RANBP17: variants seen among roughly 807,000 people sequenced by gnomAD.
RANBP17 encodes RAN binding protein 17.
Under a neutral mutation model 141.2 loss-of-function variants are expected in RANBP17, and 158 were observed. That is an observed-to-expected ratio of 1.12 (90% CI 0.98 to 1.28). The LOEUF is 1.28. Ranked by LOEUF, RANBP17 falls within the 50% of genes most tolerant of loss-of-function variation. RANBP17 has a pLI of 0.00. For synonymous variants in RANBP17, 430 were observed against 450.0 expected, an observed-to-expected ratio of 0.96 and a Z score of 0.56; for missense variants, 1,438 against 1,290.7, an observed-to-expected ratio of 1.11 and a Z score of -1.75.
chr5:171,110,217 T>C (rs1445004350), intron 14 of RANBP17, among the ~76,000 whole-genome samples: 2 of 152,052 alleles, frequency 1.3e-5, no homozygotes, highest in Non-Finnish European at 1.5e-5. Context: ...CAAATATTTA[T>C]ACTCTTAGGC....
intron 9 of RANBP17, among the ~76,000 whole-genome samples, chr5:170,916,890 A>G (rs956096074): frequency 6.6e-6 from 1 of 151,528 alleles, no homozygotes; most frequent in African/African-American, 2.4e-5. Context: ...TAATTTTTGT[A>G]TTTTTAGTGG....
Position 171,189,073 on chromosome 5 carries a change from T to A in RANBP17, c.2038+5643T>A, listed in dbSNP as rs1581824244. ...ACATTTTTAGTTCAAAGTTTTTTTT[T>A]AAATGTAAATATCTGTTGCATTACA... On this transcript the variant is annotated intron_variant, in intron 18 of 27. Transcript: ENST00000523189. Among the ~76,000 whole-genome samples, 5 of 152,302 alleles carry A rather than the reference T, an allele frequency of 3.3e-5. No homozygotes were observed. The South Asian group carries it at 8.3e-4, about 25-fold the overall frequency.
chr5:170,863,429 A>G (rs1248935578), intron 1 of RANBP17: 1 of 92,238 alleles, frequency 1.1e-5, no homozygotes, highest in African/African-American at 3.1e-5. Context: ...TGATTCTTCT[A>G]AAGGGTCTTT....
At chr5:170,886,667 T>C (rs1285769809) in intron 3 of RANBP17, among the ~76,000 whole-genome samples, 1 of 145,662 alleles carries the variant, frequency 6.9e-6, no homozygotes, top group Non-Finnish European at 1.5e-5. Context: ...TTTTTTTTTT[T>C]TTTTTTTGAG....
intron 14 of RANBP17, chr5:170,983,025 G>A (rs922023576): frequency 2.1e-6 from 1 of 471,178 alleles, no homozygotes; most frequent in African/African-American, 2.0e-5. Flanking sequence ...TTTTCACTCA[G>A]ACAAAGCCTC....
intron 14 of RANBP17, among the ~76,000 whole-genome samples, chr5:171,153,902 C>G (rs1042938838): frequency 3.9e-5 from 6 of 151,960 alleles, no homozygotes; most frequent in Non-Finnish European, 7.4e-5. Flanking sequence ...TGGCACATAC[C>G]TGTAATCCCA....
intron 14 of RANBP17, among the ~76,000 whole-genome samples, chr5:171,127,912 G>A (rs1425101552): frequency 6.6e-6 from 1 of 152,194 alleles, no homozygotes; most frequent in African/African-American, 2.4e-5. Context: ...TGTAATCCCA[G>A]CACTTTGGGA....
intron 14 of RANBP17, among the ~76,000 whole-genome samples, chr5:171,062,477 G>A (rs1020391362): frequency 6.6e-6 from 1 of 152,184 alleles, no homozygotes. Flanking sequence ...TAATATGGTT[G>A]AATATTGGCC....
intron 2 of RANBP17, among the ~76,000 whole-genome samples, chr5:170,878,772 T>C (rs10043338): frequency 0.67 from 102,454 of 151,922 alleles, 34,783 homozygotes; most frequent in South Asian, 0.9. Context: ...GTTGGAGAGG[T>C]AGATACCTAA....
chr5:171,041,697 C>G (rs1782258603), intron 14 of RANBP17, among the ~76,000 whole-genome samples: 1 of 152,062 alleles, frequency 6.6e-6, no homozygotes, highest in South Asian at 2.1e-4. Flanking sequence ...ACTTATGTAT[C>G]TAATCATAGA....
At chr5:171,294,034 G>A in intron 26 of RANBP17, 53 bp downstream of exon 26, 1 of 1,297,544 alleles carries the variant, frequency 7.7e-7, no homozygotes, top group Non-Finnish European at 1.1e-6. Flanking sequence ...GAAGAGAGCA[G>A]CTATAAGCTA....
intron 13 of RANBP17, among the ~76,000 whole-genome samples, chr5:170,958,247 TC>T (rs1385996002): frequency 6.6e-6 from 1 of 152,216 alleles, no homozygotes; most frequent in Non-Finnish European, 1.5e-5. Context: ...TAGTTATGTT[TC>T]CTGGCCTCTT....
intron 14 of RANBP17, among the ~76,000 whole-genome samples, chr5:171,108,560 G>A (rs1755007787): frequency 6.6e-6 from 1 of 151,978 alleles, no homozygotes; most frequent in African/African-American, 2.4e-5. Context: ...CCACAGCCGT[G>A]CATCACCACG....
At chr5:171,297,699 C>T (rs959420401) in intron 27 of RANBP17, among the ~76,000 whole-genome samples, 2 of 151,916 alleles carry the variant, frequency 1.3e-5, no homozygotes, top group African/African-American at 4.8e-5. Flanking sequence ...GTACTGCGTC[C>T]TGAGCTGCTC....
chr5:171,201,527 A>T (rs1236536364), intron 19 of RANBP17, among the ~76,000 whole-genome samples: 1 of 152,238 alleles, frequency 6.6e-6, no homozygotes, highest in Non-Finnish European at 1.5e-5. Flanking sequence ...CTGCAGGAAA[A>T]TGGAGTTAGA....
chr5:170,885,345 TATC>T (rs1395484889), intron 3 of RANBP17, among the ~76,000 whole-genome samples: 2 of 152,208 alleles, frequency 1.3e-5, no homozygotes, highest in African/African-American at 4.8e-5. Context: ...TTTGGGGTAA[TATC>T]ATCCATTTCA....
chr5:171,095,735 C>T (rs1786639137), intron 14 of RANBP17, among the ~76,000 whole-genome samples: 1 of 152,028 alleles, frequency 6.6e-6, no homozygotes, highest in South Asian at 2.1e-4. Context: ...CCTTGAACAA[C>T]ACAGGAGTTA....
At chr5:171,269,646 G>A (rs953785242) in intron 25 of RANBP17, among the ~76,000 whole-genome samples, 4 of 152,160 alleles carry the variant, frequency 2.6e-5, no homozygotes, top group African/African-American at 9.7e-5. Context: ...TTTTGTATTG[G>A]ATTATTTTCA....
At chr5:171,290,669 A>T (rs906916347) in intron 25 of RANBP17, among the ~76,000 whole-genome samples, 1 of 152,242 alleles carries the variant, frequency 6.6e-6, no homozygotes, top group Non-Finnish European at 1.5e-5. Context: ...ATGCTTTCTG[A>T]ACTGTTTCCT....
Sources: allele counts gnomAD v4.1 joint callset (sites outside exome capture counted in the v4.1 genomes callset), GRCh38; gene constraint gnomAD v4.1.1; transcripts MANE v1.5; gene names NCBI Gene and HGNC (gene_info 2026-07-23, HGNC 2026-07-21).